The following PCDHGA2 variants were observed in gnomAD, a reference collection of about 807,000 sequenced individuals.
PCDHGA2 encodes the protein protocadherin gamma-A2.
PCDHGA2 carries 40 observed loss-of-function variants against 59.2 expected under a neutral mutation model. That is an observed-to-expected ratio of 0.68 (90% CI 0.52 to 0.88). PCDHGA2 has a LOEUF of 0.88. PCDHGA2 is among the 40% of genes least tolerant of loss of function. PCDHGA2 has a pLI of 0.00. For missense variants in PCDHGA2, 1,226 were observed against 1,204.0 expected (o/e 1.02, Z -0.27); for synonymous variants, 560 against 526.0 (o/e 1.06, Z -0.89).
intron 1 of PCDHGA2, among the ~76,000 whole-genome samples, chr5:141,475,035 G>T (rs983190948): frequency 2.0e-5 from 3 of 152,132 alleles, no homozygotes. Context: ...GTGACTAAAG[G>T]CTTTGTATTT....
intron 1 of PCDHGA2, chr5:141,415,523 T>G (rs1245542927): frequency 1.9e-6 from 3 of 1,614,196 alleles, no homozygotes; most frequent in Non-Finnish European, 2.5e-6. Context: ...GCGGACACGC[T>G]CATCAGCCAG....
In PCDHGA2 at chr5:141,361,196, C is replaced by T. The variant is rs1018062167; in HGVS notation, c.2424+19801C>T. ...GAAGTTATTGTGACTTCAGTATCTA[C>T]TCCCCTACCGGAGGATTCGCCACCA... On this transcript the variant is annotated intron_variant, in intron 1 of 3. Transcript: ENST00000394576. 2 of 1,613,842 alleles carry T rather than the reference C, an allele frequency of 1.2e-6. No individual in the cohort carries two copies. The highest frequency in any genetic ancestry group is 1.3e-5 in the African/African-American group (1 of 74,918).
intron 1 of PCDHGA2, chr5:141,422,289 T>A: frequency 1.3e-6 from 2 of 1,553,678 alleles, no homozygotes; most frequent in Non-Finnish European, 1.7e-6. Context: ...CCTCTTCTAT[T>A]AATTCAATTC....
At chr5:141,436,335 A>T (rs2097814208) in intron 1 of PCDHGA2, among the ~76,000 whole-genome samples, 1 of 152,172 alleles carries the variant, frequency 6.6e-6, no homozygotes, top group African/African-American at 2.4e-5. Flanking sequence ...ACCATATCTC[A>T]AATATCAGTG....
chr5:141,373,908 A>C, intron 1 of PCDHGA2: 1 of 621,550 alleles, frequency 1.6e-6, no homozygotes, highest in Non-Finnish European at 2.6e-6. Flanking sequence ...ATCCTCCAAC[A>C]ACAAAGCAAA....
chr5:141,404,129 A>G (rs753217773), intron 1 of PCDHGA2: 6 of 1,613,162 alleles, frequency 3.7e-6, no homozygotes, highest in Non-Finnish European at 5.1e-6. Context: ...TCTATCTTTT[A>G]CATTAGAAAA....
At chr5:141,388,773 GGGGAAATTACT>G (rs1376289371) in intron 1 of PCDHGA2, 2 of 1,613,690 alleles carry the variant, frequency 1.2e-6, no homozygotes, top group African/African-American at 2.7e-5. Context: ...CTCTAACACC[GGGGAAATTACT>G]GTTTTAAATA....
chr5:141,399,008 G>GC, intron 1 of PCDHGA2: 1 of 1,613,904 alleles, frequency 6.2e-7, no homozygotes, highest in Non-Finnish European at 8.5e-7. Flanking sequence ...AATTCAAAGA[G>GC]CGGAGAAATT....
intron 1 of PCDHGA2, among the ~76,000 whole-genome samples, chr5:141,373,166 C>G (rs1478798062): frequency 6.6e-6 from 1 of 152,196 alleles, no homozygotes; most frequent in African/African-American, 2.4e-5. Context: ...TTAATGCAGT[C>G]AATCCTAAAA....
intron 3 of PCDHGA2, among the ~76,000 whole-genome samples, chr5:141,505,868 G>T (rs2099848820): frequency 6.6e-6 from 1 of 152,170 alleles, no homozygotes; most frequent in Admixed American, 6.5e-5. Context: ...GGACCCCAAA[G>T]GGTTGTTGTA....
In PCDHGA2 at chr5:141,388,772, C is replaced by G. The variant is rs747075769; in HGVS notation, c.2424+47377C>G. 6.8e-6 allele frequency: 11 copies of G among 1,613,680 alleles called. No individual in the cohort carries two copies. In the Admixed American group the frequency reaches 1.8e-4, roughly 27 times the overall value. On this transcript the variant is annotated intron_variant, in intron 1 of 3. Transcript: ENST00000394576. Reference sequence around the variant, plus strand: ...CCCAATTTGACCTGAACTCTAACACCGGGGAAATTACTGTTTTAAATACAT... The same window carrying G: ...CCCAATTTGACCTGAACTCTAACACGGGGGAAATTACTGTTTTAAATACAT...
At position 141,432,458 on chromosome 5, in the gene PCDHGA2, C is replaced by T. The variant is rs1368524835; in HGVS notation, c.2425-62349C>T. 1.9e-6 allele frequency: 3 copies of T among 1,614,136 alleles called. No individual in the cohort carries two copies. The highest frequency in any genetic ancestry group is 8.5e-7 in the Non-Finnish European group (1 of 1,180,066). ...TGCGCCCGAGATCCTGTACCCCGCC[C>T]TCCCCACGGACGGTTCCACTGGCGT... On this transcript the variant is annotated intron_variant, in intron 1 of 3. Transcript: ENST00000394576. This position sits in a 1 kb window ranked among gnomAD's most constrained non-coding sequence, Gnocchi z 6.0.
intron 1 of PCDHGA2, among the ~76,000 whole-genome samples, chr5:141,492,148 G>C (rs2099737507): frequency 6.6e-6 from 1 of 152,202 alleles, no homozygotes; most frequent in Admixed American, 6.5e-5. Flanking sequence ...TGACTTCACT[G>C]TTACCCTCCC....
chr5:141,403,614 G>C (rs772617526), intron 1 of PCDHGA2: 1 of 1,613,860 alleles, frequency 6.2e-7, no homozygotes, highest in Admixed American at 1.7e-5. Context: ...GGCGAGCCGC[G>C]TCGCTCCAGC....
At position 141,410,196 on chromosome 5, in the gene PCDHGA2, C is replaced by A. The variant is rs773310778; in HGVS notation, c.2424+68801C>A. 7.4e-6 allele frequency: 12 copies of A among 1,613,866 alleles called. No individual in the cohort carries two copies. In the South Asian group the frequency reaches 1.2e-4, roughly 16 times the overall value. On this transcript the variant is annotated intron_variant, in intron 1 of 3. Transcript: ENST00000394576. ...ACCGCCACGCTTCATCTGGTCTTCG[C>A]AGACAACTTGCAAGAGATACTGCCA... is the stretch of plus-strand genomic sequence containing the variant.
chr5:141,500,688 T>C (rs2099802014), intron 2 of PCDHGA2, among the ~76,000 whole-genome samples: 1 of 152,224 alleles, frequency 6.6e-6, no homozygotes, highest in Non-Finnish European at 1.5e-5. Flanking sequence ...TATAGCTTTT[T>C]TCTTCTTTGC....
intron 1 of PCDHGA2, chr5:141,378,010 T>C (rs1476632072): frequency 6.6e-6 from 1 of 152,212 alleles, no homozygotes; most frequent in Non-Finnish European, 1.5e-5. Flanking sequence ...TCAAATAAGC[T>C]CTACTTATAT....
Position 141,476,702 on chromosome 5 carries a change from C to CTGG in PCDHGA2, c.2425-18102_2425-18100dup, listed in dbSNP as rs1562056101. On this transcript the variant is annotated intron_variant, in intron 1 of 3. Coordinates refer to ENST00000394576, the MANE Select transcript of PCDHGA2 (RefSeq NM_018915.4). This position sits in a 1 kb window ranked among gnomAD's most constrained non-coding sequence, Gnocchi z 7.6. ...GGAGGACAGCACCAAGTACGCGGAG[C>CTGG]TGGTGTTGGAGCGCGCCCTGGACCG... 5 of 1,614,222 alleles carry CTGG rather than the reference C, an allele frequency of 3.1e-6. No homozygotes were observed. The highest frequency in any genetic ancestry group is 4.2e-6 in the Non-Finnish European group (5 of 1,180,042).
intron 1 of PCDHGA2, among the ~76,000 whole-genome samples, chr5:141,469,538 G>A (rs2099204234): frequency 6.6e-6 from 1 of 152,168 alleles, no homozygotes; most frequent in Non-Finnish European, 1.5e-5. Flanking sequence ...TTGTGCCACT[G>A]CACTCCAGCC....
Sources: allele counts gnomAD v4.1 joint callset (sites outside exome capture counted in the v4.1 genomes callset), GRCh38; gene constraint gnomAD v4.1.1; non-coding constraint Gnocchi (gnomAD v3.1); transcripts MANE v1.5; gene names NCBI Gene and HGNC (gene_info 2026-07-23, HGNC 2026-07-21).